ZNF385B: variants seen among roughly 807,000 people sequenced by gnomAD.
ZNF385B encodes zinc finger protein 533.
A neutral mutation model predicts 39.2 loss-of-function variants in ZNF385B; 23 were observed. That is an observed-to-expected ratio of 0.59 (90% CI 0.42 to 0.83). The LOEUF is 0.83. Ranked by LOEUF, ZNF385B falls within the 40% of genes least tolerant of loss-of-function variation. The pLI is 0.00. For missense variants in ZNF385B, 552 were observed against 598.9 expected (o/e 0.92, Z 0.82); for synonymous variants, 205 against 222.6 (o/e 0.92, Z 0.70).
chr2:179,493,490 A>C (rs904053465), intron 5 of ZNF385B, among the ~76,000 whole-genome samples: 2 of 36,272 alleles, frequency 5.5e-5, no homozygotes, highest in African/African-American at 1.4e-4. Context: ...CATATGTATA[A>C]ACGTGTGTGT....
At position 179,468,339 on chromosome 2, in the gene ZNF385B, C is replaced by A. The variant is rs550734200; in HGVS notation, c.715+14933G>T. ...GTAGTTTTTCCAGCCATTTGACTTG[C>A]AGAATAGAGAAATCATATTTCAACT... On this transcript the variant is annotated intron_variant, in intron 6 of 9. Coordinates refer to ENST00000410066, the MANE Select transcript of ZNF385B (RefSeq NM_152520.6). Among the ~76,000 whole-genome samples, 10 of 152,306 alleles carry A rather than the reference C, an allele frequency of 6.6e-5. No individual in the cohort carries two copies. The Middle Eastern group carries it at 0.01, about 155-fold the overall frequency.
chr2:179,581,389 A>C (rs540222080), intron 3 of ZNF385B, among the ~76,000 whole-genome samples: 76 of 152,338 alleles, frequency 5.0e-4, no homozygotes, highest in African/African-American at 1.8e-3. Flanking sequence ...GCTGAATAGA[A>C]GATCTTATTT....
intron 3 of ZNF385B, among the ~76,000 whole-genome samples, chr2:179,711,383 G>A (rs1699985615): frequency 6.6e-6 from 1 of 152,112 alleles, no homozygotes; most frequent in African/African-American, 2.4e-5. Context: ...ATGTCTGACT[G>A]CAATGCTCCT....
chr2:179,552,194 C>T (rs915045443), intron 3 of ZNF385B, among the ~76,000 whole-genome samples: 1 of 149,078 alleles, frequency 6.7e-6, no homozygotes, highest in African/African-American at 2.5e-5. Flanking sequence ...TAGTCTTTGG[C>T]CTTTAGATAT....
At chr2:179,608,072 C>T (rs1420174743) in intron 3 of ZNF385B, among the ~76,000 whole-genome samples, 1 of 151,998 alleles carries the variant, frequency 6.6e-6, no homozygotes, top group African/African-American at 2.4e-5. Context: ...CACCACCATG[C>T]CCAGCTAATT....
At chr2:179,813,220 T>C (rs1207696692) in intron 1 of ZNF385B, among the ~76,000 whole-genome samples, 1 of 152,218 alleles carries the variant, frequency 6.6e-6, no homozygotes, top group Non-Finnish European at 1.5e-5. Context: ...AAATTTATTT[T>C]GGTATGACAT....
intron 1 of ZNF385B, among the ~76,000 whole-genome samples, chr2:179,842,390 C>T (rs968204698): frequency 3.3e-5 from 5 of 152,138 alleles, no homozygotes; most frequent in Non-Finnish European, 1.5e-5. Flanking sequence ...GTCTAAACTT[C>T]CCTGTCTTTG....
At chr2:179,580,412 G>T (rs368678772) in intron 3 of ZNF385B, among the ~76,000 whole-genome samples, 87 of 152,088 alleles carry the variant, frequency 5.7e-4, no homozygotes, top group African/African-American at 2.0e-3. Context: ...ACTCTTTGTG[G>T]GTATCATAAT....
chr2:179,849,566 T>A (rs932242084), intron 1 of ZNF385B, among the ~76,000 whole-genome samples: 23 of 152,200 alleles, frequency 1.5e-4, no homozygotes, highest in African/African-American at 4.6e-4. Context: ...GTGATTAGTA[T>A]TGGGAAGGTA....
chr2:179,514,537 GA>G (rs2105788847), intron 5 of ZNF385B, among the ~76,000 whole-genome samples: 1 of 152,120 alleles, frequency 6.6e-6, no homozygotes, highest in South Asian at 2.1e-4. Flanking sequence ...TGTTCTGATA[GA>G]AAAAAATTCT....
At chr2:179,473,018 C>CA (rs2052962687) in intron 6 of ZNF385B, among the ~76,000 whole-genome samples, 1 of 152,190 alleles carries the variant, frequency 6.6e-6, no homozygotes, top group South Asian at 2.1e-4. Context: ...TTCCCTCTTG[C>CA]ATGCCACTTA....
intron 4 of ZNF385B, among the ~76,000 whole-genome samples, chr2:179,543,102 T>C (rs1356168206): frequency 6.6e-6 from 1 of 151,970 alleles, no homozygotes; most frequent in African/African-American, 2.4e-5. Flanking sequence ...CGAAACCCTG[T>C]CTCTATTAAA....
intron 3 of ZNF385B, among the ~76,000 whole-genome samples, chr2:179,667,581 A>G (rs1695336568): frequency 6.6e-6 from 1 of 152,200 alleles, no homozygotes; most frequent in Non-Finnish European, 1.5e-5. Flanking sequence ...ATCAGACACA[A>G]TGTGACTGGT....
At chr2:179,855,304 A>T (rs1249990192) in intron 1 of ZNF385B, among the ~76,000 whole-genome samples, 1 of 152,220 alleles carries the variant, frequency 6.6e-6, no homozygotes, top group Non-Finnish European at 1.5e-5. Context: ...TCCATTTCCC[A>T]TTATAAACTC....
intron 1 of ZNF385B, among the ~76,000 whole-genome samples, chr2:179,840,957 AT>A (rs1404038345): frequency 2.0e-5 from 3 of 152,268 alleles, no homozygotes; most frequent in Non-Finnish European, 4.4e-5. Flanking sequence ...TGACTTGGGA[AT>A]TCCTAGAGAG....
intron 1 of ZNF385B, among the ~76,000 whole-genome samples, chr2:179,847,154 C>A (rs1245320683): frequency 2.6e-5 from 4 of 152,186 alleles, no homozygotes; most frequent in Non-Finnish European, 5.9e-5. Flanking sequence ...ACATTCTATT[C>A]TTATATTCTT....
intron 3 of ZNF385B, among the ~76,000 whole-genome samples, chr2:179,672,147 A>G (rs1696098483): frequency 6.6e-6 from 1 of 152,250 alleles, no homozygotes; most frequent in Admixed American, 6.5e-5. Flanking sequence ...TCTGGAAGGC[A>G]GAGCTTTGAA....
rs772237623 is a variant in ZNF385B at position 179,444,916 on chromosome 2, C to T, written c.1202G>A (p.Ser401Asn). The T allele has an allele frequency of 3.7e-6, 6 of 1,614,030 alleles. No individual in the cohort carries two copies. Among genetic ancestry groups the T allele is most frequent in the Admixed American group, 1.7e-5 (1 of 60,002 alleles). The change falls in exon 9 of 10, where the codon AGC becomes AAC. Residue 401 changes from serine (S) to asparagine (N), a missense_variant. Transcript: ENST00000410066. ...VAGKPLKPKYSPYNKLQRSPS... is the reference protein window; with the variant it reads ...VAGKPLKPKYNPYNKLQRSPS... ...GCTCCGCTGGAGTTTGTTGTAAGGG[C>T]TGTATTTTGGCTTCAGTGGTTTCCC...
intron 3 of ZNF385B, among the ~76,000 whole-genome samples, chr2:179,636,731 A>T (rs1176620573): frequency 6.6e-6 from 1 of 151,908 alleles, no homozygotes; most frequent in Non-Finnish European, 1.5e-5. Context: ...AAGCATTTTG[A>T]CCTTCCTATC....
Sources: allele counts gnomAD v4.1 joint callset (sites outside exome capture counted in the v4.1 genomes callset), GRCh38; gene constraint gnomAD v4.1.1; transcripts MANE v1.5; gene names NCBI Gene and HGNC (gene_info 2026-07-23, HGNC 2026-07-21).